The following SLC1A2 variants were observed in gnomAD, a reference collection of about 807,000 sequenced individuals.
SLC1A2 encodes excitatory amino acid transporter 2.
SLC1A2 carries 15 observed loss-of-function variants against 48.8 expected under a neutral mutation model. The observed-to-expected ratio is 0.31, with a 90% CI of 0.21 to 0.47. The LOEUF (loss-of-function observed/expected upper bound fraction) is 0.47. Ranked by LOEUF, SLC1A2 falls within the 20% of genes least tolerant of loss-of-function variation. The pLI is 0.99. For synonymous variants in SLC1A2, 279 were observed against 272.6 expected, an observed-to-expected ratio of 1.02 and a Z score of -0.23; for missense variants, 502 against 730.5, an observed-to-expected ratio of 0.69 and a Z score of 3.61.
intron 5 of SLC1A2, among the ~76,000 whole-genome samples, chr11:35,305,624 C>T (rs1208648232): frequency 6.6e-6 from 1 of 152,218 alleles, no homozygotes; most frequent in Non-Finnish European, 1.5e-5. Context: ...CAACACTTTA[C>T]AATCCTGGTA....
At position 35,258,977 on chromosome 11, in the gene SLC1A2, C is replaced by T. The variant is rs1950353534; in HGVS notation, c.*1917G>A. ...AAAAAAAAAAAGAATGCATTTTCTA[C>T]TACTACACTTAATCATATCCCTTGA... On this transcript the variant is annotated 3_prime_UTR_variant, in exon 11 of 11. Transcript: ENST00000278379. 6.7e-6 allele frequency: 1 copy of T among 150,180 alleles called. No homozygotes were observed. Among genetic ancestry groups the T allele is most frequent in the Non-Finnish European group, 1.5e-5 (1 of 67,684 alleles). The allele number at this position is 150,180 out of a possible 1,614,324, so 9.3% of individuals were successfully genotyped here.
rs1360598399 is a variant in SLC1A2 at position 35,312,416 on chromosome 11, G to A, written c.343C>T (p.Arg115Cys). 7.4e-6 allele frequency: 12 copies of A among 1,613,962 alleles called. No individual in the cohort carries two copies. The highest frequency in any genetic ancestry group is 2.2e-5 in the South Asian group (2 of 91,084). ...LSGLDAKASGRLGTRAMVYYM... is the reference protein window; with the variant it reads ...LSGLDAKASGCLGTRAMVYYM... ...TACACCATGGCTCTCGTGCCCAAGC[G>A]GCCACTAGCCTTAGCATCCAGGCCT... The change falls in exon 4 of 11, where the codon CGC (arginine) becomes TGC (cysteine). Residue 115 changes from arginine (R) to cysteine (C), a missense_variant. This residue lies in a region of SLC1A2 where 309 missense variants were observed against 480.3 expected (regional missense o/e 0.64). Transcript: ENST00000278379.
At chr11:35,338,389 A>T (rs1254786728) in intron 1 of SLC1A2, among the ~76,000 whole-genome samples, 3 of 151,970 alleles carry the variant, frequency 2.0e-5, no homozygotes, top group Non-Finnish European at 4.4e-5. Context: ...TTCCCCTTCT[A>T]ACTCCCGTCC....
In SLC1A2 at chr11:35,314,904, C is replaced by G. The variant is rs552829888; in HGVS notation, c.310+119G>C. 1.8e-5 allele frequency: 12 copies of G among 655,406 alleles called. No homozygotes were observed. The Admixed American group carries it at 2.9e-4, about 16-fold the overall frequency. The allele number at this position is 655,406 out of a possible 1,614,324, so 40.6% of individuals were successfully genotyped here. A position where few individuals can be genotyped will look rare whatever the true frequency, so the allele number is the denominator to read the frequency against. The stretch of plus-strand genomic sequence containing the variant: ...TTTCAGAGACGGGAAAACCAAAGCT[C>G]TGAAATGAAATGACATAGACGATCA... On this transcript the variant is annotated intron_variant, in intron 3 of 10. Transcript: ENST00000278379.
rs1456752110 is a variant in SLC1A2, at chr11:35,317,292, G to T, written c.157+85C>A. ...ACGTGGCTTCCTTTCTGGTGGAAGG[G>T]CTGGCTGCTGAGACCAGCTGCCCCA... On this transcript the variant is annotated intron_variant, in intron 2 of 10. Coordinates refer to ENST00000278379, the MANE Select transcript of SLC1A2 (RefSeq NM_004171.4). The T allele has an allele frequency of 8.3e-6, 12 of 1,452,618 alleles. No individual in the cohort carries two copies. The East Asian group carries it at 1.2e-4, about 14-fold the overall frequency. 90.0% of individuals were successfully genotyped at this position (1,452,618 alleles called of 1,614,324 possible). A position where few individuals can be genotyped will look rare whatever the true frequency, so the allele number is the denominator to read the frequency against.
At position 35,380,512 on chromosome 11, in the gene SLC1A2, C is replaced by T. The variant is rs112280821; in HGVS notation, c.17+38438G>A. ...GACTCCCTGGATTGGTCTGATCTCT[C>T]GATACATCTTAGTTCAGGTCTACAG... is the stretch of plus-strand genomic sequence containing the variant. On this transcript the variant is annotated intron_variant, in intron 1 of 10. Coordinates refer to ENST00000278379, the MANE Select transcript of SLC1A2 (RefSeq NM_004171.4). The T allele has an allele frequency of 1.1e-3, 457 of 398,112 alleles. 2 individuals are homozygous for T. The highest frequency in any genetic ancestry group is 8.3e-3 in the African/African-American group (403 of 48,704). The allele number at this position is 398,112 out of a possible 1,614,324, so 24.7% of individuals were successfully genotyped here. A position where few individuals can be genotyped will look rare whatever the true frequency, so the allele number is the denominator to read the frequency against.
At chr11:35,414,220 C>T (rs1474186991) in intron 1 of SLC1A2, among the ~76,000 whole-genome samples, 1 of 152,156 alleles carries the variant, frequency 6.6e-6, no homozygotes, top group Non-Finnish European at 1.5e-5. Flanking sequence ...AATATCAACA[C>T]CATTGAGAAA....
chr11:35,294,000 T>C (rs922815460), intron 6 of SLC1A2, among the ~76,000 whole-genome samples: 8 of 152,174 alleles, frequency 5.3e-5, no homozygotes, highest in Admixed American at 5.2e-4. Context: ...TGCATATATG[T>C]GTGCTGCTAA....
intron 8 of SLC1A2, 39 bp from the exon 9 acceptor site, chr11:35,281,040 G>A (rs760852612): frequency 9.8e-6 from 15 of 1,525,782 alleles, no homozygotes; most frequent in Non-Finnish European, 1.3e-5. Context: ...GAAATGGAAA[G>A]AATCTTAGCA....
At chr11:35,366,658 C>A (rs1179287394) in intron 1 of SLC1A2, among the ~76,000 whole-genome samples, 1 of 152,138 alleles carries the variant, frequency 6.6e-6, no homozygotes, top group African/African-American at 2.4e-5. Flanking sequence ...TTTCCTATAT[C>A]TCCCTAATAA....
At chr11:35,325,679 C>A (rs1054642023) in intron 1 of SLC1A2, among the ~76,000 whole-genome samples, 15 of 152,070 alleles carry the variant, frequency 9.9e-5, no homozygotes, top group African/African-American at 2.9e-4. Context: ...AAAAAGCAGG[C>A]GGGCCAGGTG....
intron 1 of SLC1A2, chr11:35,391,085 A>G (rs1590264586): frequency 6.6e-6 from 1 of 152,190 alleles, no homozygotes; most frequent in Non-Finnish European, 1.5e-5. Context: ...GGGGATGATC[A>G]CGAGCAGGGT....
chr11:35,289,928 A>T (rs1220418223), intron 7 of SLC1A2, among the ~76,000 whole-genome samples: 1 of 152,202 alleles, frequency 6.6e-6, no homozygotes, highest in Non-Finnish European at 1.5e-5. Flanking sequence ...AGGGACGAAT[A>T]CCTCAACAGG....
chr11:35,267,914 G>C (rs1402162457), intron 9 of SLC1A2, among the ~76,000 whole-genome samples: 5 of 152,142 alleles, frequency 3.3e-5, no homozygotes, highest in African/African-American at 1.2e-4. Flanking sequence ...GATTTACTGA[G>C]CACAAGATAA....
At chr11:35,296,981 A>T (rs1486611161) in intron 6 of SLC1A2, among the ~76,000 whole-genome samples, 1 of 152,046 alleles carries the variant, frequency 6.6e-6, no homozygotes, top group Non-Finnish European at 1.5e-5. Flanking sequence ...ATTCACCATT[A>T]TCTCACCAGT....
intron 1 of SLC1A2, among the ~76,000 whole-genome samples, chr11:35,390,190 C>T (rs1183171332): frequency 2.6e-5 from 4 of 152,144 alleles, no homozygotes; most frequent in African/African-American, 4.8e-5. Flanking sequence ...GACTTTAGCA[C>T]GTACAGTAAT....
At chr11:35,346,256 C>T (rs1853029140) in intron 1 of SLC1A2, among the ~76,000 whole-genome samples, 1 of 152,180 alleles carries the variant, frequency 6.6e-6, no homozygotes. Context: ...CCATTTGAGG[C>T]ATCCATTTCC....
At chr11:35,377,555 A>G (rs1310759572) in intron 1 of SLC1A2, among the ~76,000 whole-genome samples, 1 of 152,224 alleles carries the variant, frequency 6.6e-6, no homozygotes, top group African/African-American at 2.4e-5. Flanking sequence ...CCAGAGAGCT[A>G]AGTGGCTATG....
Position 35,409,786 on chromosome 11 carries a change from G to A in SLC1A2, c.17+9164C>T, listed in dbSNP as rs530152064. Reference sequence around the variant, plus strand: ...TAGCCAGGCATCGTGGTGCGTACCTGTAAACCCAGCTACTCAAGAGGCTGA... The same window carrying A: ...TAGCCAGGCATCGTGGTGCGTACCTATAAACCCAGCTACTCAAGAGGCTGA... On this transcript the variant is annotated intron_variant, in intron 1 of 10. Transcript: ENST00000278379. 5.9e-5 allele frequency among the ~76,000 whole-genome samples: 9 copies of A among 152,284 alleles called. No homozygotes were observed. The South Asian group carries it at 1.9e-3, about 32-fold the overall frequency.
Sources: gnomAD v4.1 joint callset for allele counts (sites outside exome capture counted in the v4.1 genomes callset) on GRCh38, gnomAD v4.1.1 for gene constraint, gnomAD v4.1.1 regional missense constraint, MANE v1.5 for transcripts, NCBI Gene and HGNC (gene_info 2026-07-23, HGNC 2026-07-21) for gene names.